IQSEC3: variants seen among roughly 807,000 people sequenced by gnomAD.
The protein encoded by IQSEC3 is IQ motif and Sec7 domain ArfGEF 3, also known as IQ motif and SEC7 domain-containing protein 3.
In IQSEC3, 50 loss-of-function variants were observed where a neutral mutation model predicts 105.4. The observed-to-expected ratio is 0.47, with a 90% CI of 0.38 to 0.60. The LOEUF is 0.60. IQSEC3 is among the 20% of genes least tolerant of loss of function. The pLI is 0.00. For missense variants in IQSEC3, 1,415 were observed against 1,630.0 expected (o/e 0.87, Z 2.27); for synonymous variants, 708 against 746.0 (o/e 0.95, Z 0.83).
rs1866548486 is a variant in IQSEC3, at chr12:152,671, C to T, written c.2154-4354C>T. 6.6e-6 allele frequency among the ~76,000 whole-genome samples: 1 copy of T among 152,162 alleles called. No homozygotes were observed. The highest frequency in any genetic ancestry group is 6.5e-5 in the Admixed American group (1 of 15,284). ...TACAGAGAGCTCAGAGGGAACTCCC[C>T]CGACTTGAGTAAGGGACCTCCCTGC... is the stretch of plus-strand genomic sequence containing the variant. On this transcript the variant is annotated intron_variant, in intron 5 of 13. Transcript: ENST00000538872. The surrounding 1 kb of genome is among the most constrained non-coding windows in gnomAD (Gnocchi z 4.8).
chr12:155,099 G>A lies in IQSEC3; in HGVS notation c.2154-1926G>A, dbSNP rs114499647. ...TGACTCCTGATGGGCTGGGCTACAGGAACACACGGATGTGGCCGCATAGGG... is the reference window on the plus strand; with the variant it reads ...TGACTCCTGATGGGCTGGGCTACAGAAACACACGGATGTGGCCGCATAGGG... On this transcript the variant is annotated intron_variant, in intron 5 of 13. Transcript: ENST00000538872. 7.0e-3 allele frequency among the ~76,000 whole-genome samples: 1,068 copies of A among 152,336 alleles called. 11 individuals carry two copies. The highest frequency in any genetic ancestry group is 0.022 in the African/African-American group (895 of 41,566).
intron 1 of IQSEC3, among the ~76,000 whole-genome samples, chr12:95,161 G>A (rs986968827): frequency 1.3e-5 from 2 of 152,140 alleles, no homozygotes; most frequent in Non-Finnish European, 1.5e-5. Context: ...AATGAACCTC[G>A]GGCTGGAAGA....
chr12:107,439 T>C (rs1464300024), intron 2 of IQSEC3, among the ~76,000 whole-genome samples: 1 of 134,782 alleles, frequency 7.4e-6, no homozygotes, highest in African/African-American at 2.8e-5. Context: ...AGACGGAGTC[T>C]TGCTCTGTGG....
chr12:140,988 T>C, intron 4 of IQSEC3, 136 bp from the exon 5 acceptor site: 2 of 860,614 alleles, frequency 2.3e-6, no homozygotes, highest in East Asian at 2.5e-5. Context: ...GGGTTGAGGC[T>C]CTGGTGAGAG....
chr12:165,379 ATG>A, intron 9 of IQSEC3, 53 bp from the exon 10 acceptor site: 1 of 1,364,202 alleles, frequency 7.3e-7, no homozygotes, highest in Admixed American at 1.7e-5. Flanking sequence ...TTGTGCATCC[ATG>A]TGTCCGTGAG....
chr12:135,598 T>C (rs782255811), intron 3 of IQSEC3, among the ~76,000 whole-genome samples: 34 of 152,224 alleles, frequency 2.2e-4, no homozygotes, highest in Non-Finnish European at 5.0e-4. Flanking sequence ...AGGTTACCAA[T>C]TGGTTGATTT....
rs146368619 is a variant in IQSEC3, at chr12:178,179, G to A, written c.*3146G>A. ...TGCGTCTTCGAGCCCCTGTGCCACC[G>A]GTCCCCACGGCCCGCCAGGAGTCTC... On this transcript the variant is annotated 3_prime_UTR_variant, in exon 14 of 14. Coordinates refer to ENST00000538872, the MANE Select transcript of IQSEC3 (RefSeq NM_001170738.2). 0.03 allele frequency: 4,551 copies of A among 149,720 alleles called. 87 individuals carry two copies. Among genetic ancestry groups the A allele is most frequent in the Middle Eastern group, 0.096 (28 of 292 alleles). 9.3% of individuals were successfully genotyped at this position (149,720 alleles called of 1,614,324 possible).
intron 5 of IQSEC3, 158 bp downstream of exon 5, chr12:141,443 C>G: frequency 1.4e-6 from 1 of 726,390 alleles, no homozygotes; most frequent in Non-Finnish European, 2.2e-6. Context: ...TAGCCCATCA[C>G]CCCAGTGGGC....
At chr12:80,660 A>T (rs1364714742) in intron 1 of IQSEC3, among the ~76,000 whole-genome samples, 1 of 152,062 alleles carries the variant, frequency 6.6e-6, no homozygotes, top group African/African-American at 2.4e-5. Flanking sequence ...GAACAAAAAA[A>T]CTCCCAAATT....
intron 9 of IQSEC3, among the ~76,000 whole-genome samples, chr12:165,037 C>T (rs1555097761): frequency 6.6e-6 from 1 of 152,194 alleles, no homozygotes; most frequent in African/African-American, 2.4e-5. Flanking sequence ...GAGAGTAATG[C>T]AGCCGTGCAA....
At position 165,886 on chromosome 12, in the gene IQSEC3, A is replaced by G. The variant is rs782705238; in HGVS notation, c.2967A>G (p.Ile989Met). The change falls in exon 11 of 14, where the codon ATA becomes ATG. Residue 989 changes from isoleucine to methionine, a missense_variant. Physicochemically the swap from Ile to Met is conservative, Grantham distance 10. Around this residue, in one of 6 missense-constraint regions of IQSEC3, gnomAD observed 419 missense variants for 436.2 expected, o/e 0.96. Coordinates refer to ENST00000538872, the MANE Select transcript of IQSEC3 (RefSeq NM_001170738.2). ...TGACGGAGCTGGAGCAGATCCGAAT[A>G]GAGTGTAAGGACACGGGCTCCCGAG... ...AEVTELEQIRIEWELEKQQGT... is the reference protein window; with the variant it reads ...AEVTELEQIRMEWELEKQQGT... 6.2e-7 allele frequency: 1 copy of G among 1,613,898 alleles called. No individual in the cohort carries two copies. The highest frequency in any genetic ancestry group is 1.1e-5 in the South Asian group (1 of 91,070).
At chr12:110,988 T>G (rs1465623689) in intron 2 of IQSEC3, among the ~76,000 whole-genome samples, 1 of 152,198 alleles carries the variant, frequency 6.6e-6, no homozygotes, top group Non-Finnish European at 1.5e-5. Flanking sequence ...TGGGTTTAGC[T>G]TCTTCGTGAC....
intron 9 of IQSEC3, among the ~76,000 whole-genome samples, chr12:164,480 C>G (rs1867076470): frequency 6.6e-6 from 1 of 152,186 alleles, no homozygotes; most frequent in South Asian, 2.1e-4. Flanking sequence ...GGCCTTTGTA[C>G]TTGCTGCTCC....
At chr12:113,196 G>A (rs542042143) in intron 2 of IQSEC3, among the ~76,000 whole-genome samples, 1 of 152,270 alleles carries the variant, frequency 6.6e-6, no homozygotes, top group African/African-American at 2.4e-5. Context: ...GAATGATGAG[G>A]GTTTTAACAA....
Position 161,918 on chromosome 12 carries a change from G to A in IQSEC3, c.2444-8G>A, listed in dbSNP as rs199669935. The A allele has an allele frequency of 3.7e-5, 54 of 1,450,754 alleles. No individual in the cohort carries two copies. Among genetic ancestry groups the A allele is most frequent in the Admixed American group, 2.1e-4 (11 of 52,894 alleles). 89.9% of individuals were successfully genotyped at this position (1,450,754 alleles called of 1,614,324 possible). On this transcript the variant is annotated splice_polypyrimidine_tract_variant and splice_region_variant and intron_variant, in intron 7 of 13. Transcript: ENST00000538872. ...CCACCACCACCCCTGCCCACTCCAC[G>A]TTGTTAGGTGTGGACGATGGCGCTG... is the stretch of plus-strand genomic sequence containing the variant.
At chr12:150,350 A>G (rs1236350943) in intron 5 of IQSEC3, among the ~76,000 whole-genome samples, 1 of 152,238 alleles carries the variant, frequency 6.6e-6, no homozygotes, top group Non-Finnish European at 1.5e-5. Context: ...GAATCTATCA[A>G]ACTAGACATT....
At chr12:73,545 T>C (rs1195679416) in intron 1 of IQSEC3, among the ~76,000 whole-genome samples, 2 of 151,952 alleles carry the variant, frequency 1.3e-5, no homozygotes, top group Non-Finnish European at 2.9e-5. Flanking sequence ...TGGTGGTCCA[T>C]AGTAGTCCCA....
intron 5 of IQSEC3, among the ~76,000 whole-genome samples, chr12:147,393 G>A (rs1328807684): frequency 6.6e-6 from 1 of 152,190 alleles, no homozygotes; most frequent in African/African-American, 2.4e-5. Context: ...CGGGAGGGAC[G>A]TGCTGCTAAT....
At position 176,440 on chromosome 12, in the gene IQSEC3, T is replaced by C. The variant is rs1478560743; in HGVS notation, c.*1407T>C. On this transcript the variant is annotated 3_prime_UTR_variant, in exon 14 of 14. Coordinates refer to ENST00000538872, the MANE Select transcript of IQSEC3 (RefSeq NM_001170738.2). This position sits in a 1 kb window ranked among gnomAD's most constrained non-coding sequence, Gnocchi z 4.0. ...GTGCCAGTAGCTCACTGCTGTCCTA[T>C]GTGCAGGTCCCCCAACACTTGGAGC... The C allele has an allele frequency of 2.0e-5, 3 of 152,274 alleles. No homozygotes were observed. Among genetic ancestry groups the C allele is most frequent in the Non-Finnish European group, 2.9e-5 (2 of 68,062 alleles). 9.4% of individuals were successfully genotyped at this position (152,274 alleles called of 1,614,324 possible).
Sources: allele counts gnomAD v4.1 joint callset (sites outside exome capture counted in the v4.1 genomes callset), GRCh38; gene constraint gnomAD v4.1.1; regional missense constraint gnomAD v4.1.1; non-coding constraint Gnocchi (gnomAD v3.1); transcripts MANE v1.5; gene names NCBI Gene and HGNC (gene_info 2026-07-23, HGNC 2026-07-21).